The following SYNE2 variants were observed in gnomAD, a reference collection of about 807,000 sequenced individuals.
The protein encoded by SYNE2 is nesprin-2.
A neutral mutation model predicts 856.3 loss-of-function variants in SYNE2; 431 were observed. The observed-to-expected ratio is 0.50, with a 90% CI of 0.47 to 0.55. The LOEUF (loss-of-function observed/expected upper bound fraction) is 0.55, where lower values mean the gene tolerates loss of function less well. Among genes scored for constraint, SYNE2 ranks in the 20% least tolerant of loss-of-function variants. SYNE2 has a pLI of 0.00. For synonymous variants in SYNE2, 2,923 were observed against 2,872.3 expected (o/e 1.02, Z -0.56); for missense variants, 8,129 against 8,023.2 (o/e 1.01, Z -0.50).
intron 65 of SYNE2, among the ~76,000 whole-genome samples, chr14:64,110,588 A>AACCCCCCC (rs2097797632): frequency 1.3e-5 from 1 of 75,390 alleles, no homozygotes; most frequent in African/African-American, 5.7e-5. Context: ...TACTTTTTAC[A>AACCCCCCC]CCCCCCCCCC....
At chr14:63,899,600 C>G (rs948015169) in intron 1 of SYNE2, among the ~76,000 whole-genome samples, 1 of 152,092 alleles carries the variant, frequency 6.6e-6, no homozygotes, top group Non-Finnish European at 1.5e-5. Context: ...CTCCTGGGCT[C>G]GGGTGATCCT....
chr14:63,865,925 A>T (rs565719632), intron 1 of SYNE2, among the ~76,000 whole-genome samples: 1 of 152,250 alleles, frequency 6.6e-6, no homozygotes, highest in South Asian at 2.1e-4. Flanking sequence ...TAACACTTCC[A>T]ACAACAAAAA....
intron 1 of SYNE2, among the ~76,000 whole-genome samples, chr14:63,783,877 T>A (rs1887417482): frequency 6.6e-6 from 1 of 152,234 alleles, no homozygotes; most frequent in African/African-American, 2.4e-5. Flanking sequence ...GAACAGGGAC[T>A]GTAGATTCAA....
At chr14:63,821,135 T>C (rs1238979653) in intron 1 of SYNE2, among the ~76,000 whole-genome samples, 1 of 152,154 alleles carries the variant, frequency 6.6e-6, no homozygotes, top group African/African-American at 2.4e-5. Context: ...ATTGTATACT[T>C]TATATTATAT....
intron 45 of SYNE2, among the ~76,000 whole-genome samples, chr14:64,033,839 T>C (rs1046905226): frequency 6.6e-6 from 1 of 152,230 alleles, no homozygotes; most frequent in South Asian, 2.1e-4. Context: ...AATGGAGGAA[T>C]TGATGTCCTC....
chr14:63,986,374 A>T, intron 18 of SYNE2, 82 bp from the exon 19 acceptor site: 1 of 1,449,750 alleles, frequency 6.9e-7, no homozygotes, highest in Non-Finnish European at 9.6e-7. Flanking sequence ...AGCTGGGATT[A>T]CAGGTGTAAC....
intron 1 of SYNE2, among the ~76,000 whole-genome samples, chr14:63,795,247 G>A (rs1887878342): frequency 6.6e-6 from 1 of 152,038 alleles, no homozygotes; most frequent in African/African-American, 2.4e-5. Flanking sequence ...CTTAATCTGG[G>A]TGGGCACCAT....
Position 63,876,876 on chromosome 14 carries a change from G to A in SYNE2, c.-52+23733G>A, listed in dbSNP as rs546966731. The stretch of plus-strand genomic sequence containing the variant: ...TGTTCAGAGCCTCCCAGTGAGTCAG[G>A]GAACAAATAAGACAGATCAGAAACC... On this transcript the variant is annotated intron_variant, in intron 1 of 115. Transcript: ENST00000555002. Among the ~76,000 whole-genome samples the A allele has an allele frequency of 1.4e-4, 22 of 152,112 alleles. No homozygotes were observed. The South Asian group carries it at 4.4e-3, about 30-fold the overall frequency.
rs2095442263 is a variant in SYNE2, at chr14:63,909,129, A to G, written c.-20A>G. On this transcript the variant is annotated 5_prime_UTR_variant, in exon 2 of 116. The change creates a new upstream start codon in the 5' untranslated region. Coordinates refer to ENST00000555002, the MANE Select transcript of SYNE2 (RefSeq NM_182914.3). ...TCTTCAACTGAGATGGACATGATAT[A>G]ATCTCCATTGAGTCAAAGAATGGCA... 6.5e-7 allele frequency: 1 copy of G among 1,544,158 alleles called. No individual in the cohort carries two copies. The highest frequency in any genetic ancestry group is 1.4e-5 in the African/African-American group (1 of 73,550).
intron 53 of SYNE2, among the ~76,000 whole-genome samples, chr14:64,074,773 A>G (rs2097443633): frequency 6.6e-6 from 1 of 152,046 alleles, no homozygotes; most frequent in Admixed American, 6.6e-5. Context: ...GCGTGTGCCT[A>G]TAATCCCAGC....
intron 38 of SYNE2, 27 bp from the exon 39 acceptor site, chr14:64,024,230 T>G (rs2096960131): frequency 1.9e-6 from 3 of 1,610,700 alleles, no homozygotes; most frequent in African/African-American, 1.3e-5. Flanking sequence ...GCCAGGAGAT[T>G]GTAATGGACT....
Position 63,858,723 on chromosome 14 carries a change from T to C in SYNE2, c.-52+5580T>C, listed in dbSNP as rs557815599. On this transcript the variant is annotated intron_variant, in intron 1 of 115. Coordinates refer to ENST00000555002, the MANE Select transcript of SYNE2 (RefSeq NM_182914.3). The stretch of plus-strand genomic sequence containing the variant: ...TTGTAACAGTATTGCCTCTTAATAA[T>C]GTTACGATGGCGATTAAATTTCACC... Among the ~76,000 whole-genome samples the C allele has an allele frequency of 7.9e-5, 12 of 152,310 alleles. No homozygotes were observed. The East Asian group carries it at 1.9e-3, about 24-fold the overall frequency.
intron 64 of SYNE2, among the ~76,000 whole-genome samples, chr14:64,103,457 T>C (rs962738575): frequency 1.3e-5 from 2 of 151,912 alleles, no homozygotes; most frequent in African/African-American, 2.4e-5. Flanking sequence ...GTCTCTCAAA[T>C]GGTCTCACTT....
Position 64,134,104 on chromosome 14 carries a change from TGAA to T in SYNE2, c.14551_14553del (p.Glu4851del). 6.2e-7 allele frequency: 1 copy of T among 1,614,122 alleles called. No homozygotes were observed. The highest frequency in any genetic ancestry group is 8.5e-7 in the Non-Finnish European group (1 of 1,179,974). On this transcript the variant is annotated inframe_deletion, in exon 78 of 116. Coordinates refer to ENST00000555002, the MANE Select transcript of SYNE2 (RefSeq NM_182914.3). The stretch of plus-strand genomic sequence containing the variant: ...AATTTGATGAAAACTATGCATCTCT[TGAA>T]AAGGACCTGGAAATTCTTATATCTA...
intron 100 of SYNE2, among the ~76,000 whole-genome samples, chr14:64,204,652 C>T (rs538774934): frequency 2.0e-4 from 31 of 152,030 alleles, no homozygotes; most frequent in Non-Finnish European, 1.3e-4. Flanking sequence ...TTATAGAATT[C>T]AGCATCACCT....
intron 1 of SYNE2, among the ~76,000 whole-genome samples, chr14:63,781,670 A>T (rs113554927): frequency 7.6e-6 from 1 of 131,884 alleles, no homozygotes; most frequent in African/African-American, 2.7e-5. Context: ...CTCTCTCTCT[A>T]TATATATATA....
intron 45 of SYNE2, among the ~76,000 whole-genome samples, chr14:64,037,440 G>T (rs1298907267): frequency 6.6e-6 from 1 of 151,858 alleles, no homozygotes; most frequent in Admixed American, 6.6e-5. Flanking sequence ...GAGAGCACAG[G>T]GTTGGGGGTA....
intron 1 of SYNE2, among the ~76,000 whole-genome samples, chr14:63,812,172 G>C (rs1566581530): frequency 6.6e-6 from 1 of 152,140 alleles, no homozygotes; most frequent in Non-Finnish European, 1.5e-5. Context: ...GACACTCCCA[G>C]AGCGGCCGTT....
chr14:63,859,428 T>C (rs1470745600), intron 1 of SYNE2, among the ~76,000 whole-genome samples: 1 of 152,186 alleles, frequency 6.6e-6, no homozygotes, highest in Non-Finnish European at 1.5e-5. Context: ...TTTTCTGATA[T>C]AGGTGTTTAG....
Sources: allele counts gnomAD v4.1 joint callset (sites outside exome capture counted in the v4.1 genomes callset), GRCh38; gene constraint gnomAD v4.1.1; transcripts MANE v1.5; gene names NCBI Gene and HGNC (gene_info 2026-07-23, HGNC 2026-07-21).